Variants in IGF2BP2 observed in about 807,000 individuals in gnomAD.
IGF2BP2 encodes insulin like growth factor 2 mRNA binding protein 2, also known as insulin-like growth factor 2 mRNA-binding protein 2.
In IGF2BP2, 17 loss-of-function variants were observed where a neutral mutation model predicts 75.8. The observed-to-expected ratio is 0.22, with a 90% CI of 0.15 to 0.34. IGF2BP2 has a LOEUF of 0.34. Ranked by LOEUF, IGF2BP2 falls within the 10% of genes least tolerant of loss-of-function variation. The probability of loss-of-function intolerance (pLI) is 1.00; values close to 1 mark genes in which losing one functional copy is unlikely to be tolerated. For synonymous variants in IGF2BP2, 288 were observed against 295.6 expected, an observed-to-expected ratio of 0.97 and a Z score of 0.26; for missense variants, 516 against 772.4, an observed-to-expected ratio of 0.67 and a Z score of 3.93.
chr3:185,702,045 G>C (rs968056089), intron 2 of IGF2BP2, among the ~76,000 whole-genome samples: 1 of 152,166 alleles, frequency 6.6e-6, no homozygotes, highest in African/African-American at 2.4e-5. Flanking sequence ...AATGTCTCCA[G>C]AAAGAACTGT....
chr3:185,720,740 A>G (rs1400880887), intron 2 of IGF2BP2, among the ~76,000 whole-genome samples: 2 of 152,226 alleles, frequency 1.3e-5, no homozygotes, highest in Admixed American at 6.5e-5. Context: ...CCTCAGCTTC[A>G]GGCTTTGGAA....
chr3:185,666,398 C>A (rs1333307810), intron 10 of IGF2BP2, among the ~76,000 whole-genome samples: 1 of 152,140 alleles, frequency 6.6e-6, no homozygotes, highest in Admixed American at 6.5e-5. Flanking sequence ...CTTTGAGAGG[C>A]CGAGGCAGGT....
intron 2 of IGF2BP2, among the ~76,000 whole-genome samples, chr3:185,769,071 G>A (rs774701423): frequency 1.2e-4 from 18 of 152,006 alleles, no homozygotes; most frequent in South Asian, 2.1e-4. Context: ...GGCGGGGCGC[G>A]GTGGTCCACG....
chr3:185,785,807 G>A (rs1578295640), intron 2 of IGF2BP2, among the ~76,000 whole-genome samples: 2 of 152,112 alleles, frequency 1.3e-5, no homozygotes, highest in South Asian at 2.1e-4. Context: ...AGGGAGACCC[G>A]CCTCTTTATA....
chr3:185,777,660 A>G (rs1734691642), intron 2 of IGF2BP2, among the ~76,000 whole-genome samples: 2 of 152,238 alleles, frequency 1.3e-5, no homozygotes, highest in Non-Finnish European at 2.9e-5. Context: ...GAGTGATGTC[A>G]GTCATAATGG....
At chr3:185,721,219 GT>G in intron 2 of IGF2BP2, among the ~76,000 whole-genome samples, 1 of 151,806 alleles carries the variant, frequency 6.6e-6, no homozygotes, top group Non-Finnish European at 1.5e-5. Flanking sequence ...ATTATTATTT[GT>G]TTTTTGTGAG....
intron 7 of IGF2BP2, among the ~76,000 whole-genome samples, chr3:185,686,429 T>G (rs1475626849): frequency 6.7e-6 from 1 of 149,484 alleles, no homozygotes; most frequent in Non-Finnish European, 1.5e-5. Flanking sequence ...GAAGGACAGA[T>G]AGAAGAAAAA....
intron 2 of IGF2BP2, among the ~76,000 whole-genome samples, chr3:185,746,364 A>C (rs1344667091): frequency 6.6e-6 from 1 of 152,186 alleles, no homozygotes; most frequent in Non-Finnish European, 1.5e-5. Flanking sequence ...GGTTCCAAAC[A>C]GCAGCATTCT....
At chr3:185,824,726 C>T in intron 1 of IGF2BP2, 57 bp downstream of exon 1, 2 of 1,216,892 alleles carry the variant, frequency 1.6e-6, no homozygotes, top group Admixed American at 4.3e-5. Flanking sequence ...TCCCTCCCGG[C>T]GCCGTCCCGG....
intron 2 of IGF2BP2, among the ~76,000 whole-genome samples, chr3:185,755,898 T>C (rs191596679): frequency 1.5e-4 from 23 of 152,104 alleles, no homozygotes; most frequent in Non-Finnish European, 3.4e-4. Context: ...GGACTTTGAG[T>C]TGATGCTAGA....
rs1713122348 is a variant in IGF2BP2 at position 185,644,183 on chromosome 3, G to A, written c.*1348C>T. Reference sequence around the variant, plus strand: ...ACTATCAGCTTTACAAAATCTCTAAGGGAAACACAAGAGCAAGGTGCTGAG... The same window carrying A: ...ACTATCAGCTTTACAAAATCTCTAAAGGAAACACAAGAGCAAGGTGCTGAG... On this transcript the variant is annotated 3_prime_UTR_variant, in exon 16 of 16. Transcript: ENST00000382199. The A allele has an allele frequency of 6.6e-6, 1 of 152,112 alleles. No homozygotes were observed. The highest frequency in any genetic ancestry group is 2.1e-4 in the South Asian group (1 of 4,814). The allele number at this position is 152,112 out of a possible 1,614,324, so 9.4% of individuals were successfully genotyped here.
At chr3:185,665,428 G>GAGGAGGAGA (rs1717299717) in intron 10 of IGF2BP2, among the ~76,000 whole-genome samples, 1 of 95,658 alleles carries the variant, frequency 1.0e-5, no homozygotes, top group Non-Finnish European at 2.4e-5. Context: ...GAAGGAGAAG[G>GAGGAGGAGA]AGGAGGAGGA....
At chr3:185,716,214 G>A (rs1725587142) in intron 2 of IGF2BP2, among the ~76,000 whole-genome samples, 1 of 150,900 alleles carries the variant, frequency 6.6e-6, no homozygotes, top group South Asian at 2.1e-4. Context: ...ACACGAATAA[G>A]GCCTCCATCA....
At position 185,751,968 on chromosome 3, in the gene IGF2BP2, T is replaced by A. The variant is rs182294794; in HGVS notation, c.240-53621A>T. ...ACGAGGGAGACTCTGTCTCAAAAAATAATAATAATAATAACAATAATAATC... is the reference window on the plus strand; with the variant it reads ...ACGAGGGAGACTCTGTCTCAAAAAAAAATAATAATAATAACAATAATAATC... On this transcript the variant is annotated intron_variant, in intron 2 of 15. Transcript: ENST00000382199. Among the ~76,000 whole-genome samples, 137 of 151,966 alleles carry A rather than the reference T, an allele frequency of 9.0e-4. 1 individual carries two copies. Among genetic ancestry groups the A allele is most frequent in the African/African-American group, 2.9e-3 (120 of 41,448 alleles).
intron 2 of IGF2BP2, among the ~76,000 whole-genome samples, chr3:185,822,771 A>C (rs1156977273): frequency 6.6e-6 from 1 of 152,060 alleles, no homozygotes; most frequent in Non-Finnish European, 1.5e-5. Context: ...AATTTAGCTG[A>C]CATAGTAAAT....
intron 2 of IGF2BP2, among the ~76,000 whole-genome samples, chr3:185,774,294 G>A (rs561129296): frequency 5.0e-4 from 76 of 152,140 alleles, no homozygotes; most frequent in Admixed American, 7.2e-4. Flanking sequence ...GCTAAATCAC[G>A]GACTAAGAAA....
chr3:185,789,531 C>T (rs1019873676), intron 2 of IGF2BP2, among the ~76,000 whole-genome samples: 8 of 152,018 alleles, frequency 5.3e-5, no homozygotes, highest in Admixed American at 2.0e-4. Flanking sequence ...CAAAAATTAA[C>T]GCAACACTAA....
In IGF2BP2 at chr3:185,644,994, GAA is replaced by G. The variant is rs1023744596; in HGVS notation, c.*535_*536del. ...GAAAAGCCTGCTTTCTCTTTAAAAA[GAA>G]AAAAAAATTAATAATTGATTAAAAA... On this transcript the variant is annotated 3_prime_UTR_variant, in exon 16 of 16. Transcript: ENST00000382199. 1.3e-5 allele frequency: 2 copies of G among 150,540 alleles called. No individual in the cohort carries two copies. The highest frequency in any genetic ancestry group is 6.6e-5 in the Admixed American group (1 of 15,126). The allele number at this position is 150,540 out of a possible 1,614,324, so 9.3% of individuals were successfully genotyped here. A position where few individuals can be genotyped will look rare whatever the true frequency, so the allele number is the denominator to read the frequency against.
intron 9 of IGF2BP2, among the ~76,000 whole-genome samples, chr3:185,674,836 G>C (rs577947681): frequency 6.6e-5 from 10 of 151,448 alleles, no homozygotes; most frequent in Middle Eastern, 3.4e-3. Flanking sequence ...TTTATATCTT[G>C]CTTTTCTTAT....
Sources: allele counts gnomAD v4.1 joint callset (sites outside exome capture counted in the v4.1 genomes callset), GRCh38; gene constraint gnomAD v4.1.1; transcripts MANE v1.5; gene names NCBI Gene and HGNC (gene_info 2026-07-23, HGNC 2026-07-21).